LPP: variants seen among roughly 807,000 people sequenced by gnomAD.
LPP encodes LIM domain containing preferred translocation partner in lipoma, also known as lipoma-preferred partner.
Under a neutral mutation model 60.4 loss-of-function variants are expected in LPP, and 38 were observed. The ratio of observed to expected loss-of-function variants is 0.63; its 90% CI spans 0.49 to 0.83. LPP has a LOEUF of 0.83. Among genes scored for constraint, LPP ranks in the 40% least tolerant of loss-of-function variants. The pLI, the probability that LPP is intolerant of heterozygous loss-of-function variation, is 0.00. For synonymous variants in LPP, 328 were observed against 290.8 expected (o/e 1.13, Z -1.30); for missense variants, 902 against 783.6 (o/e 1.15, Z -1.80).
chr3:188,234,262 G>A (rs1286310535), intron 2 of LPP, among the ~76,000 whole-genome samples: 1 of 152,140 alleles, frequency 6.6e-6, no homozygotes, highest in Non-Finnish European at 1.5e-5. Flanking sequence ...TGAGACCCGG[G>A]CAGTCAGTCA....
At chr3:188,505,858 A>G (rs535495544) in intron 5 of LPP, among the ~76,000 whole-genome samples, 1 of 152,130 alleles carries the variant, frequency 6.6e-6, no homozygotes, top group South Asian at 2.1e-4. Context: ...AAAAAATATT[A>G]TTTTCTTCCT....
intron 10 of LPP, among the ~76,000 whole-genome samples, chr3:188,870,614 C>T (rs1486304597): frequency 1.3e-5 from 2 of 152,202 alleles, no homozygotes; most frequent in Non-Finnish European, 2.9e-5. Context: ...GGGCTTGGCA[C>T]ATAATAAGCA....
At chr3:188,174,181 T>C (rs1722417545) in intron 1 of LPP, among the ~76,000 whole-genome samples, 2 of 152,338 alleles carry the variant, frequency 1.3e-5, no homozygotes, top group South Asian at 2.1e-4. Flanking sequence ...AGAAGAGTTA[T>C]TCATGAGGAA....
chr3:188,661,044 C>A (rs1854471726), intron 7 of LPP, among the ~76,000 whole-genome samples: 1 of 152,146 alleles, frequency 6.6e-6, no homozygotes. Context: ...TTTTTACTGG[C>A]TTCATAGTTT....
In LPP at chr3:188,878,088, G is replaced by A. The variant is rs1769460854; in HGVS notation, c.*3609G>A. On this transcript the variant is annotated 3_prime_UTR_variant, in exon 12 of 12. Transcript: ENST00000617246. ...GGGCTTTTTCCATGGGGCTATAGTA[G>A]AGAGTTAGTGGAATATAGACAGGAC... 1 of 220,796 alleles carries A rather than the reference G, an allele frequency of 4.5e-6. No homozygotes were observed. The highest frequency in any genetic ancestry group is 1.9e-4 in the South Asian group (1 of 5,398). The allele number at this position is 220,796 out of a possible 1,614,324, so 13.7% of individuals were successfully genotyped here. A position where few individuals can be genotyped will look rare whatever the true frequency, so the allele number is the denominator to read the frequency against.
rs371105301 is a variant in LPP at position 188,191,491 on chromosome 3, G to A, written c.-189-33914G>A. Among the ~76,000 whole-genome samples, 3 of 152,168 alleles carry A rather than the reference G, an allele frequency of 2.0e-5. No individual in the cohort carries two copies. In the South Asian group the frequency reaches 6.2e-4, roughly 32 times the overall value. ...TGTGGAGCCAAGAGCTGGCCTTTAG[G>A]TTTTGCCACTGGAAGTGGGTGAGGA... On this transcript the variant is annotated intron_variant, in intron 1 of 11. Transcript: ENST00000617246.
In LPP at chr3:188,512,629, G is replaced by A. The variant is rs150366093; in HGVS notation, c.307-12036G>A. Among the ~76,000 whole-genome samples, 21 of 151,834 alleles carry A rather than the reference G, an allele frequency of 1.4e-4. No individual in the cohort carries two copies. The East Asian group carries it at 3.1e-3, about 22-fold the overall frequency. On this transcript the variant is annotated intron_variant, in intron 5 of 11. Transcript: ENST00000617246. The stretch of plus-strand genomic sequence containing the variant: ...CCTCTGTACGTTTCCATGGCATGAC[G>A]CTTTGCTTTATATCTCTGAGTACAT...
intron 8 of LPP, among the ~76,000 whole-genome samples, chr3:188,718,048 C>T (rs550901966): frequency 9.1e-4 from 138 of 152,160 alleles, no homozygotes; most frequent in Admixed American, 1.4e-3. Context: ...CTCGAACTCC[C>T]GACCTCAGGT....
At chr3:188,602,762 T>C (rs1359123943) in intron 6 of LPP, among the ~76,000 whole-genome samples, 1 of 151,342 alleles carries the variant, frequency 6.6e-6, no homozygotes, top group Non-Finnish European at 1.5e-5. Flanking sequence ...AACTTAGCAT[T>C]TCCCCTCCTT....
intron 2 of LPP, among the ~76,000 whole-genome samples, chr3:188,265,146 A>G (rs1400736176): frequency 6.6e-6 from 1 of 152,202 alleles, no homozygotes; most frequent in Non-Finnish European, 1.5e-5. Context: ...GTTTAGCACG[A>G]ATTAAATTCC....
chr3:188,485,573 G>A (rs1214420036), intron 5 of LPP, among the ~76,000 whole-genome samples: 10 of 151,936 alleles, frequency 6.6e-5, no homozygotes, highest in East Asian at 5.8e-4. Flanking sequence ...CGAGGCGGGC[G>A]GATCACGAGG....
At chr3:188,460,776 G>T (rs1040232683) in intron 4 of LPP, among the ~76,000 whole-genome samples, 2 of 152,160 alleles carry the variant, frequency 1.3e-5, no homozygotes, top group African/African-American at 4.8e-5. Flanking sequence ...GGATAAAGTT[G>T]ATATGAATAA....
At chr3:188,492,393 A>C (rs1401311884) in intron 5 of LPP, among the ~76,000 whole-genome samples, 2 of 151,998 alleles carry the variant, frequency 1.3e-5, no homozygotes, top group Non-Finnish European at 2.9e-5. Context: ...GTCTTTTTCT[A>C]CTTATAAGAA....
intron 4 of LPP, among the ~76,000 whole-genome samples, chr3:188,473,701 C>A (rs986284070): frequency 2.6e-5 from 4 of 152,176 alleles, no homozygotes; most frequent in African/African-American, 9.7e-5. Context: ...TCCCTCATTT[C>A]TCTGCTCTTT....
intron 7 of LPP, among the ~76,000 whole-genome samples, chr3:188,618,858 CAAG>C (rs1845322487): frequency 6.6e-6 from 1 of 151,954 alleles, no homozygotes; most frequent in East Asian, 1.9e-4. Context: ...GATTGTAAAA[CAAG>C]AAGGATAAGG....
chr3:188,364,416 A>T (rs775904848), intron 3 of LPP, among the ~76,000 whole-genome samples: 1 of 152,200 alleles, frequency 6.6e-6, no homozygotes, highest in Non-Finnish European at 1.5e-5. Flanking sequence ...TATTTGTTGA[A>T]TTAAACCAGA....
intron 8 of LPP, chr3:188,746,416 A>T (rs976753711): frequency 2.1e-6 from 1 of 474,482 alleles, no homozygotes; most frequent in Non-Finnish European, 4.2e-6. Flanking sequence ...GGCCACAAAT[A>T]TGTGCACAGT....
At chr3:188,671,282 A>G (rs916509174) in intron 7 of LPP, among the ~76,000 whole-genome samples, 1 of 152,222 alleles carries the variant, frequency 6.6e-6, no homozygotes, top group African/African-American at 2.4e-5. Context: ...ATAAATGTGT[A>G]AGGAATAAAT....
At chr3:188,338,465 C>T (rs754756944) in intron 2 of LPP, among the ~76,000 whole-genome samples, 5 of 152,192 alleles carry the variant, frequency 3.3e-5, no homozygotes, top group Non-Finnish European at 5.9e-5. Flanking sequence ...TCTGTTGCCA[C>T]ATGAAACTTA....
Sources: gnomAD v4.1 joint callset for allele counts (sites outside exome capture counted in the v4.1 genomes callset) on GRCh38, gnomAD v4.1.1 for gene constraint, MANE v1.5 for transcripts, NCBI Gene and HGNC (gene_info 2026-07-23, HGNC 2026-07-21) for gene names.